DLG2: variants seen among roughly 807,000 people sequenced by gnomAD.
DLG2 encodes the protein discs large MAGUK scaffold protein 2.
Under a neutral mutation model 132.5 loss-of-function variants are expected in DLG2, and 45 were observed. The ratio of observed to expected loss-of-function variants is 0.34; its 90% CI spans 0.27 to 0.44. DLG2 has a LOEUF of 0.44. DLG2 is among the 20% of genes least tolerant of loss of function. The pLI is 1.00. For missense variants in DLG2, 1,045 were observed against 1,196.9 expected (o/e 0.87, Z 1.87); for synonymous variants, 424 against 419.6 (o/e 1.01, Z -0.13).
chr11:84,478,309 T>C (rs1360981594), intron 7 of DLG2, among the ~76,000 whole-genome samples: 3 of 152,158 alleles, frequency 2.0e-5, no homozygotes, highest in Non-Finnish European at 4.4e-5. Context: ...CAATAAACAA[T>C]TATTTTTCTA....
intron 6 of DLG2, chr11:84,763,212 T>C (rs2153869322): frequency 6.6e-6 from 1 of 152,262 alleles, no homozygotes. Context: ...CACACTATAT[T>C]CTAATTATTA....
intron 3 of DLG2, among the ~76,000 whole-genome samples, chr11:85,344,497 A>G (rs988141029): frequency 2.0e-5 from 3 of 152,224 alleles, no homozygotes; most frequent in Non-Finnish European, 2.9e-5. Flanking sequence ...CATATAAAGA[A>G]TTTATGATAT....
At chr11:85,210,623 G>T (rs1431159722) in intron 4 of DLG2, among the ~76,000 whole-genome samples, 1 of 151,942 alleles carries the variant, frequency 6.6e-6, no homozygotes, top group Non-Finnish European at 1.5e-5. Context: ...GGAGCAAATT[G>T]ACTGACAGTC....
chr11:83,779,025 C>A (rs111996737), intron 18 of DLG2, among the ~76,000 whole-genome samples: 3 of 152,030 alleles, frequency 2.0e-5, no homozygotes, highest in African/African-American at 7.2e-5. Flanking sequence ...AATGTCTAAG[C>A]AATAAAAATC....
chr11:84,240,148 C>T (rs1411320842), intron 8 of DLG2, among the ~76,000 whole-genome samples: 1 of 152,170 alleles, frequency 6.6e-6, no homozygotes, highest in African/African-American at 2.4e-5. Context: ...CTTCTTTTAA[C>T]CTGCTATTTA....
intron 2 of DLG2, among the ~76,000 whole-genome samples, chr11:85,600,395 A>G (rs1022386796): frequency 6.6e-6 from 1 of 152,186 alleles, no homozygotes; most frequent in Non-Finnish European, 1.5e-5. Context: ...TTTTTTCACT[A>G]GGCTTCCACA....
chr11:85,133,101 T>A, intron 5 of DLG2: 1 of 324,726 alleles, frequency 3.1e-6, no homozygotes, highest in East Asian at 7.5e-5. Flanking sequence ...AAGGCTCCTG[T>A]GAGTGCCCCG....
At chr11:83,975,330 A>C (rs2092033379) in intron 12 of DLG2, among the ~76,000 whole-genome samples, 1 of 152,070 alleles carries the variant, frequency 6.6e-6, no homozygotes, top group Admixed American at 6.6e-5. Context: ...ACAAAATCCA[A>C]TGTCACTGTC....
At chr11:85,248,103 A>G (rs1358388687) in intron 4 of DLG2, among the ~76,000 whole-genome samples, 1 of 152,108 alleles carries the variant, frequency 6.6e-6, no homozygotes, top group Non-Finnish European at 1.5e-5. Flanking sequence ...ATATCTGTGT[A>G]GCACATTTTG....
chr11:84,699,584 T>C (rs2153738149), intron 6 of DLG2, among the ~76,000 whole-genome samples: 1 of 151,562 alleles, frequency 6.6e-6, no homozygotes, highest in Non-Finnish European at 1.5e-5. Flanking sequence ...TCACCTGATT[T>C]GGCCCTAACC....
intron 7 of DLG2, among the ~76,000 whole-genome samples, chr11:84,266,955 C>G (rs1255813783): frequency 6.6e-6 from 1 of 152,100 alleles, no homozygotes; most frequent in Non-Finnish European, 1.5e-5. Flanking sequence ...ATAGTCTTGC[C>G]CTGCAAGGAA....
intron 7 of DLG2, among the ~76,000 whole-genome samples, chr11:84,508,757 T>G (rs1290671729): frequency 6.6e-6 from 1 of 152,190 alleles, no homozygotes; most frequent in African/African-American, 2.4e-5. Context: ...CATCTGACAT[T>G]TATATTATTT....
rs1465122263 is a variant in DLG2, at chr11:85,484,197, G to GC, written c.40+114459dup. Among the ~76,000 whole-genome samples, 97 of 139,084 alleles carry GC rather than the reference G, an allele frequency of 7.0e-4. 1 individual carries two copies. Among genetic ancestry groups the GC allele is most frequent in the East Asian group, 2.5e-3 (12 of 4,736 alleles). 91.2% of individuals were successfully genotyped at this position (139,084 alleles called of 152,430 possible). On this transcript the variant is annotated intron_variant, in intron 3 of 27. Transcript: ENST00000376104. The stretch of plus-strand genomic sequence containing the variant: ...TTCAACCCGGTGGCGGATCTTTCCC[G>GC]CCCCCCGTTCCTCCCGACCCCTCCA...
intron 17 of DLG2, among the ~76,000 whole-genome samples, chr11:83,799,458 C>T (rs1269062691): frequency 6.6e-6 from 1 of 152,078 alleles, no homozygotes; most frequent in Non-Finnish European, 1.5e-5. Flanking sequence ...TGAAGTGTTA[C>T]CAATGATACA....
chr11:84,484,816 G>A (rs2099146807), intron 7 of DLG2, among the ~76,000 whole-genome samples: 1 of 152,090 alleles, frequency 6.6e-6, no homozygotes, highest in African/African-American at 2.4e-5. Context: ...TCTAACCCAT[G>A]TCCACATCTG....
At chr11:83,733,951 C>T (rs547030261) in intron 18 of DLG2, among the ~76,000 whole-genome samples, 53 of 128,990 alleles carry the variant, frequency 4.1e-4, no homozygotes, top group Admixed American at 1.5e-3. Context: ...TCTCCAGTGT[C>T]TACTATTCCA....
At chr11:83,571,031 C>T (rs2096787009) in intron 19 of DLG2, among the ~76,000 whole-genome samples, 1 of 152,130 alleles carries the variant, frequency 6.6e-6, no homozygotes, top group African/African-American at 2.4e-5. Flanking sequence ...TACAGGCATG[C>T]ACCACCACGC....
chr11:85,141,459 G>C (rs1419762359), intron 5 of DLG2, among the ~76,000 whole-genome samples: 1 of 151,332 alleles, frequency 6.6e-6, no homozygotes, highest in Non-Finnish European at 1.5e-5. Context: ...CTATATATTA[G>C]GGTTATTAAT....
chr11:84,514,444 T>G (rs1042903844), intron 7 of DLG2, among the ~76,000 whole-genome samples: 4 of 152,092 alleles, frequency 2.6e-5, no homozygotes, highest in Non-Finnish European at 4.4e-5. Flanking sequence ...GCAACCTAAG[T>G]GTCCATCAAC....
Sources: allele counts gnomAD v4.1 joint callset (sites outside exome capture counted in the v4.1 genomes callset), GRCh38; gene constraint gnomAD v4.1.1; transcripts MANE v1.5; gene names NCBI Gene and HGNC (gene_info 2026-07-23, HGNC 2026-07-21).